The following CNTN5 variants were observed in gnomAD, a reference collection of about 807,000 sequenced individuals.
CNTN5 encodes contactin-5.
CNTN5 carries 77 observed loss-of-function variants against 129.1 expected under a neutral mutation model. The ratio of observed to expected loss-of-function variants is 0.60; its 90% CI spans 0.50 to 0.72. CNTN5 has a LOEUF of 0.72. Among genes scored for constraint, CNTN5 ranks in the 30% least tolerant of loss-of-function variants. The pLI, the probability that CNTN5 is intolerant of heterozygous loss-of-function variation, is 0.00. For synonymous variants in CNTN5, 509 were observed against 465.6 expected, an observed-to-expected ratio of 1.09 and a Z score of -1.20; for missense variants, 1,478 against 1,328.8, an observed-to-expected ratio of 1.11 and a Z score of -1.75.
At chr11:99,533,531 T>C (rs1392344432) in intron 2 of CNTN5, among the ~76,000 whole-genome samples, 1 of 152,202 alleles carries the variant, frequency 6.6e-6, no homozygotes, top group African/African-American at 2.4e-5. Context: ...CACTCTCTGG[T>C]CTCCTGCCTT....
intron 16 of CNTN5, among the ~76,000 whole-genome samples, chr11:100,247,893 C>T (rs922048132): frequency 6.6e-6 from 1 of 152,078 alleles, no homozygotes; most frequent in African/African-American, 2.4e-5. Context: ...GAGTAAACCG[C>T]ATGATAAAAA....
chr11:100,029,031 C>CTT (rs1941570293), intron 9 of CNTN5, among the ~76,000 whole-genome samples: 1 of 151,648 alleles, frequency 6.6e-6, no homozygotes, highest in Non-Finnish European at 1.5e-5. Context: ...AATTTAAAAA[C>CTT]TTAAAGACCA....
At chr11:99,928,993 G>C (rs1408921635) in intron 7 of CNTN5, among the ~76,000 whole-genome samples, 1 of 152,088 alleles carries the variant, frequency 6.6e-6, no homozygotes, top group Non-Finnish European at 1.5e-5. Context: ...TGAATGCTTT[G>C]CTGCTTAGAA....
At chr11:100,000,705 T>A (rs1939808837) in intron 8 of CNTN5, among the ~76,000 whole-genome samples, 1 of 152,178 alleles carries the variant, frequency 6.6e-6, no homozygotes, top group South Asian at 2.1e-4. Context: ...AGGTTCTCCA[T>A]TAGGGATCTT....
chr11:99,706,850 T>G (rs1954777075), intron 3 of CNTN5, among the ~76,000 whole-genome samples: 1 of 151,076 alleles, frequency 6.6e-6, no homozygotes, highest in Non-Finnish European at 1.5e-5. Flanking sequence ...CTTTTTTTTT[T>G]TTTTAAGCTA....
chr11:99,316,943 C>A (rs1865368307), intron 1 of CNTN5, among the ~76,000 whole-genome samples: 1 of 152,064 alleles, frequency 6.6e-6, no homozygotes, highest in Admixed American at 6.6e-5. Context: ...GACATTTGTA[C>A]CTCGACACCA....
At chr11:99,164,871 A>C (rs1860800402) in intron 1 of CNTN5, among the ~76,000 whole-genome samples, 1 of 152,212 alleles carries the variant, frequency 6.6e-6, no homozygotes, top group South Asian at 2.1e-4. Flanking sequence ...ATAAGTTAAC[A>C]TAAGATGAGA....
intron 4 of CNTN5, among the ~76,000 whole-genome samples, chr11:99,822,370 G>A (rs1946828482): frequency 6.6e-6 from 1 of 152,096 alleles, no homozygotes; most frequent in Non-Finnish European, 1.5e-5. Context: ...GAAGGGGAAT[G>A]GATACGTTGT....
intron 1 of CNTN5, among the ~76,000 whole-genome samples, chr11:99,309,568 T>A (rs920787122): frequency 1.3e-5 from 2 of 152,210 alleles, no homozygotes; most frequent in Non-Finnish European, 2.9e-5. Flanking sequence ...TCCAAGGATC[T>A]AAGAAATATT....
chr11:100,285,081 C>T (rs73563773), intron 18 of CNTN5, among the ~76,000 whole-genome samples: 1,778 of 152,254 alleles, frequency 0.012, 49 homozygotes, highest in African/African-American at 0.041. Context: ...AAGAGCTTAG[C>T]ATAGTGCCTG....
chr11:99,396,688 G>A (rs1218536527), intron 2 of CNTN5, among the ~76,000 whole-genome samples: 1 of 151,586 alleles, frequency 6.6e-6, no homozygotes. Context: ...AATTAAATTT[G>A]TATTTAGCGG....
chr11:100,063,905 AG>A (rs921307212), intron 10 of CNTN5, among the ~76,000 whole-genome samples: 2 of 151,980 alleles, frequency 1.3e-5, no homozygotes, highest in Non-Finnish European at 2.9e-5. Context: ...AAAAAATAAA[AG>A]TATGTCGGTT....
chr11:100,099,593 C>T (rs569043619), intron 13 of CNTN5, among the ~76,000 whole-genome samples: 8 of 152,160 alleles, frequency 5.3e-5, no homozygotes, highest in South Asian at 4.1e-4. Flanking sequence ...AAACATTCCA[C>T]GTATTTTAAT....
intron 1 of CNTN5, among the ~76,000 whole-genome samples, chr11:99,201,355 C>CTTCCTTCCTTCT (rs1555076181): frequency 7.9e-5 from 11 of 140,016 alleles, no homozygotes; most frequent in African/African-American, 2.7e-4. Context: ...CTTTCCTTTC[C>CTTCCTTCCTTCT]TTCCTTCCTT....
At chr11:99,355,402 T>C (rs1438636144) in intron 2 of CNTN5, among the ~76,000 whole-genome samples, 1 of 152,156 alleles carries the variant, frequency 6.6e-6, no homozygotes, top group Non-Finnish European at 1.5e-5. Context: ...AAGAAATCTC[T>C]CTGGGACCAG....
At chr11:99,199,967 A>AT (rs1859087998) in intron 1 of CNTN5, among the ~76,000 whole-genome samples, 1 of 151,416 alleles carries the variant, frequency 6.6e-6, no homozygotes, top group African/African-American at 2.4e-5. Context: ...ATATCCATCA[A>AT]CATCATCATC....
chr11:99,798,079 T>C (rs1946002712), intron 3 of CNTN5, among the ~76,000 whole-genome samples: 1 of 152,080 alleles, frequency 6.6e-6, no homozygotes, highest in African/African-American at 2.4e-5. Context: ...TAGTACACAT[T>C]AGTTATTTTT....
intron 18 of CNTN5, among the ~76,000 whole-genome samples, chr11:100,291,785 ATAAAAAAT>A (rs1386056030): frequency 7.6e-5 from 4 of 52,940 alleles, no homozygotes; most frequent in African/African-American, 1.8e-4. Flanking sequence ...AAATAAATAA[ATAAAAAAT>A]ATAAATAAAT....
intron 2 of CNTN5, among the ~76,000 whole-genome samples, chr11:99,540,084 C>T (rs1334661003): frequency 6.6e-6 from 1 of 152,118 alleles, no homozygotes; most frequent in East Asian, 1.9e-4. Flanking sequence ...CTTTGTTGTG[C>T]TTTGCCCCTG....
Sources: allele counts gnomAD v4.1 joint callset (sites outside exome capture counted in the v4.1 genomes callset), GRCh38; gene constraint gnomAD v4.1.1; transcripts MANE v1.5; gene names NCBI Gene and HGNC (gene_info 2026-07-23, HGNC 2026-07-21).